ARHGAP6: variants seen among roughly 807,000 people sequenced by gnomAD.
ARHGAP6 encodes Rho GTPase activating protein 6.
A neutral mutation model predicts 55.7 loss-of-function variants in ARHGAP6; 16 were observed. The observed-to-expected ratio is 0.29, with a 90% CI of 0.19 to 0.44. The LOEUF (loss-of-function observed/expected upper bound fraction) is 0.44. Ranked by LOEUF, ARHGAP6 falls within the 20% of genes least tolerant of loss-of-function variation. The probability of loss-of-function intolerance (pLI) is 1.00; values close to 1 mark genes in which losing one functional copy is unlikely to be tolerated. For synonymous variants in ARHGAP6, 382 were observed against 360.9 expected (o/e 1.06, Z -0.66); for missense variants, 698 against 808.9 (o/e 0.86, Z 1.66).
intron 1 of ARHGAP6, among the ~76,000 whole-genome samples, chrX:11,524,859 C>A (rs2050973160): frequency 1.8e-5 from 2 of 111,422 alleles, no homozygotes; most frequent in Non-Finnish European, 3.8e-5. Context: ...TAGATGGTCC[C>A]ATCTGGGGAT....
intron 1 of ARHGAP6, among the ~76,000 whole-genome samples, chrX:11,420,276 G>C (rs937077688): frequency 8.9e-6 from 1 of 111,878 alleles, no homozygotes; most frequent in Non-Finnish European, 1.9e-5. Flanking sequence ...AGTATTCAGG[G>C]TATATTTAAG....
intron 1 of ARHGAP6, among the ~76,000 whole-genome samples, chrX:11,274,173 C>T: frequency 9.0e-6 from 1 of 111,709 alleles, no homozygotes; most frequent in African/African-American, 3.3e-5. Context: ...CTCTAATTCT[C>T]TCTCATTTAG....
intron 1 of ARHGAP6, among the ~76,000 whole-genome samples, chrX:11,321,369 A>G (rs1431110356): frequency 8.9e-6 from 1 of 111,933 alleles, no homozygotes. Flanking sequence ...TTGATGTAAA[A>G]GTTAGTATAA....
At chrX:11,491,612 A>T (rs763829235) in intron 1 of ARHGAP6, among the ~76,000 whole-genome samples, 1 of 111,906 alleles carries the variant, frequency 8.9e-6, no homozygotes, top group East Asian at 2.8e-4. Flanking sequence ...CCAGTCTATC[A>T]TTGTTGGACA....
intron 1 of ARHGAP6, among the ~76,000 whole-genome samples, chrX:11,308,333 A>T (rs2048259041): frequency 8.9e-6 from 1 of 112,091 alleles, no homozygotes; most frequent in Non-Finnish European, 1.9e-5. Context: ...GGTTCTTTCT[A>T]TGAAATCATT....
chrX:11,305,070 G>A (rs1393095206), intron 1 of ARHGAP6, among the ~76,000 whole-genome samples: 1 of 110,817 alleles, frequency 9.0e-6, no homozygotes, highest in East Asian at 2.8e-4. Context: ...ACAGGCGCGA[G>A]CCACTGCACC....
intron 1 of ARHGAP6, among the ~76,000 whole-genome samples, chrX:11,321,336 A>G (rs7883831): frequency 2.2e-4 from 25 of 112,129 alleles, no homozygotes; most frequent in African/African-American, 8.1e-4. Context: ...AATTGGGCAC[A>G]AATTTAGTTG....
At chrX:11,521,634 G>A (rs1328067211) in intron 1 of ARHGAP6, among the ~76,000 whole-genome samples, 1 of 109,790 alleles carries the variant, frequency 9.1e-6, no homozygotes, top group Admixed American at 9.8e-5. Flanking sequence ...TTGACTTAGC[G>A]ATGTGGGCTC....
At chrX:11,626,670 A>C (rs1400445006) in intron 1 of ARHGAP6, among the ~76,000 whole-genome samples, 2 of 111,693 alleles carry the variant, frequency 1.8e-5, no homozygotes, top group African/African-American at 6.5e-5. Context: ...TTACCAAAAA[A>C]TCCATAAAAT....
intron 1 of ARHGAP6, among the ~76,000 whole-genome samples, chrX:11,593,404 G>A (rs1007894968): frequency 1.8e-5 from 2 of 112,012 alleles, no homozygotes; most frequent in African/African-American, 6.5e-5. Flanking sequence ...CCAAACCATA[G>A]TGACAGTAAA....
At chrX:11,399,640 G>A (rs1037743395) in intron 1 of ARHGAP6, among the ~76,000 whole-genome samples, 2 of 111,744 alleles carry the variant, frequency 1.8e-5, no homozygotes, top group Non-Finnish European at 3.8e-5. Flanking sequence ...ATGTAAAATG[G>A]AGCAGCCACT....
chrX:11,185,656 A>G (rs1240846582), intron 5 of ARHGAP6, among the ~76,000 whole-genome samples: 1 of 112,465 alleles, frequency 8.9e-6, no homozygotes, highest in Non-Finnish European at 1.9e-5. Context: ...AACATTTTTG[A>G]AGAACTGTAT....
chrX:11,258,251 C>A (rs1393517173), intron 1 of ARHGAP6, among the ~76,000 whole-genome samples: 3 of 109,978 alleles, frequency 2.7e-5, no homozygotes, highest in Non-Finnish European at 5.7e-5. Flanking sequence ...GATGCTGATT[C>A]CAATTTGAAC....
intron 8 of ARHGAP6, among the ~76,000 whole-genome samples, chrX:11,172,993 C>A (rs902146473): frequency 8.9e-6 from 1 of 111,968 alleles, no homozygotes; most frequent in African/African-American, 3.2e-5. Flanking sequence ...GGGCTTTCCA[C>A]TGGCCATTTC....
At chrX:11,514,370 C>T (rs375688845) in intron 1 of ARHGAP6, among the ~76,000 whole-genome samples, 1 of 109,765 alleles carries the variant, frequency 9.1e-6, no homozygotes, top group Admixed American at 9.8e-5. Context: ...AGCAGAATTG[C>T]TCAATTTACC....
intron 1 of ARHGAP6, among the ~76,000 whole-genome samples, chrX:11,560,244 C>A (rs957043559): frequency 9.0e-6 from 1 of 111,642 alleles, no homozygotes; most frequent in African/African-American, 3.3e-5. Flanking sequence ...TCTGTTGTAA[C>A]ATGAAGGAAG....
intron 1 of ARHGAP6, among the ~76,000 whole-genome samples, chrX:11,622,563 G>C (rs978886323): frequency 1.8e-5 from 2 of 111,399 alleles, no homozygotes; most frequent in African/African-American, 6.5e-5. Flanking sequence ...AAAAAATGGG[G>C]AGAACTATTG....
intron 1 of ARHGAP6, among the ~76,000 whole-genome samples, chrX:11,460,494 A>G (rs1298237091): frequency 1.8e-5 from 2 of 111,450 alleles, no homozygotes; most frequent in East Asian, 5.6e-4. Context: ...CCTGACCCAC[A>G]GAAACTGTGG....
chrX:11,174,641 T>TTC (rs1212774928), intron 8 of ARHGAP6, among the ~76,000 whole-genome samples: 50 of 79,728 alleles, frequency 6.3e-4, no homozygotes, highest in African/African-American at 1.1e-3. Context: ...CTTTCTTTCT[T>TTC]TCTTTCTTTC....
Sources: gnomAD v4.1 joint callset for allele counts (sites outside exome capture counted in the v4.1 genomes callset) on GRCh38, gnomAD v4.1.1 for gene constraint, MANE v1.5 for transcripts, NCBI Gene and HGNC (gene_info 2026-07-23, HGNC 2026-07-21) for gene names.